B4GALT5: variants seen among roughly 807,000 people sequenced by gnomAD.
B4GALT5 encodes the protein beta-1,4-galactosyltransferase 5, also known as UDP-Gal:beta-GlcNAc beta-1,4-galactosyltransferase 5.
A neutral mutation model predicts 45.0 loss-of-function variants in B4GALT5; 11 were observed. The observed-to-expected ratio is 0.24, with a 90% CI of 0.15 to 0.40. B4GALT5 has a LOEUF of 0.40. B4GALT5 is among the 10% of genes least tolerant of loss of function. B4GALT5 has a pLI of 1.00. For missense variants in B4GALT5, 337 were observed against 500.2 expected (o/e 0.67, Z 3.11); for synonymous variants, 185 against 182.9 (o/e 1.01, Z -0.09).
At chr20:49,638,169 C>T (rs1168175442) in intron 7 of B4GALT5, among the ~76,000 whole-genome samples, 2 of 151,972 alleles carry the variant, frequency 1.3e-5, no homozygotes, top group African/African-American at 4.8e-5. Context: ...CAGGCGTGTG[C>T]CACCACAACA....
chr20:49,639,604 ATTC>A (rs2085567420), intron 7 of B4GALT5, 71 bp downstream of exon 7: 1 of 1,563,254 alleles, frequency 6.4e-7, no homozygotes, highest in Non-Finnish European at 8.7e-7. Context: ...CTTGCATTAT[ATTC>A]CTATCGGATA....
intron 4 of B4GALT5, among the ~76,000 whole-genome samples, chr20:49,642,995 G>A (rs542094020): frequency 6.6e-6 from 1 of 152,358 alleles, no homozygotes; most frequent in East Asian, 1.9e-4. Context: ...ATGTGTTCCA[G>A]ATCTGCTGCA....
chr20:49,643,847 G>T (rs1390903425), intron 3 of B4GALT5, among the ~76,000 whole-genome samples, 197 bp from the exon 4 acceptor site: 2 of 149,958 alleles, frequency 1.3e-5, no homozygotes, highest in African/African-American at 4.9e-5. Flanking sequence ...GCAAATCAAG[G>T]AATTAAGACT....
At chr20:49,655,889 T>C (rs937213015) in intron 2 of B4GALT5, among the ~76,000 whole-genome samples, 1 of 148,902 alleles carries the variant, frequency 6.7e-6, no homozygotes, top group Non-Finnish European at 1.5e-5. Context: ...AAATCACCCG[T>C]TGCATGCCAG....
chr20:49,646,184 GA>G, intron 3 of B4GALT5, among the ~76,000 whole-genome samples: 1 of 152,160 alleles, frequency 6.6e-6, no homozygotes, highest in Non-Finnish European at 1.5e-5. Flanking sequence ...TTAGAAAGTA[GA>G]AAGGTATAAT....
rs141588605 is a variant in B4GALT5 at position 49,650,456 on chromosome 20, TAAAAAAAAAAAA to T, written c.251-3390_251-3379del. The stretch of plus-strand genomic sequence containing the variant: ...CAATATGGTGAAACCCCATCTCTGC[TAAAAAAAAAAAA>T]AAAAAAAAAAACACAAAAATTAGCC... On this transcript the variant is annotated intron_variant, in intron 2 of 8. Transcript: ENST00000371711. 8.6e-5 allele frequency among the ~76,000 whole-genome samples: 11 copies of T among 128,460 alleles called. 1 individual carries two copies. Among genetic ancestry groups the T allele is most frequent in the African/African-American group, 2.1e-4 (7 of 33,774 alleles). The allele number at this position is 128,460 out of a possible 152,430, so 84.3% of individuals were successfully genotyped here. A position where few individuals can be genotyped will look rare whatever the true frequency, so the allele number is the denominator to read the frequency against.
intron 1 of B4GALT5, among the ~76,000 whole-genome samples, chr20:49,694,114 C>G (rs895032008): frequency 6.6e-6 from 1 of 152,148 alleles, no homozygotes; most frequent in African/African-American, 2.4e-5. Flanking sequence ...CTTATGTAAA[C>G]GTACTTTTTA....
At chr20:49,658,891 T>C (rs746824066) in intron 1 of B4GALT5, among the ~76,000 whole-genome samples, 3 of 152,354 alleles carry the variant, frequency 2.0e-5, no homozygotes, top group Non-Finnish European at 2.9e-5. Flanking sequence ...GCAACATTTA[T>C]TGAGTACTTA....
rs1423995723 is a variant in B4GALT5, at chr20:49,656,548, C to G, written c.250+20G>C. ...GGGAGGAGACATTCTAATCAGACCA[C>G]CTCTTTACTAAAAATATACCTGAGT... is the stretch of plus-strand genomic sequence containing the variant. On this transcript the variant is annotated intron_variant, in intron 2 of 8. Coordinates refer to ENST00000371711, the MANE Select transcript of B4GALT5 (RefSeq NM_004776.4). 6.2e-7 allele frequency: 1 copy of G among 1,613,826 alleles called. No homozygotes were observed. The highest frequency in any genetic ancestry group is 8.5e-7 in the Non-Finnish European group (1 of 1,179,906).
intron 1 of B4GALT5, among the ~76,000 whole-genome samples, chr20:49,713,340 T>G (rs2085927710): frequency 6.7e-6 from 1 of 149,944 alleles, no homozygotes. Flanking sequence ...GAGGGTGGCG[T>G]TAGGAGGGGC....
rs185624568 is a variant in B4GALT5 at position 49,644,632 on chromosome 20, C to T, written c.365-982G>A. ...ATAACATTAGTTTTAGGCCTGTCAACGCCTATTTCTGATACACAAATCTCA... is the reference window on the plus strand; with the variant it reads ...ATAACATTAGTTTTAGGCCTGTCAATGCCTATTTCTGATACACAAATCTCA... On this transcript the variant is annotated intron_variant, in intron 3 of 8. Transcript: ENST00000371711. 5.6e-4 allele frequency among the ~76,000 whole-genome samples: 85 copies of T among 152,268 alleles called. 1 individual carries two copies. Among genetic ancestry groups the T allele is most frequent in the African/African-American group, 8.4e-4 (35 of 41,546 alleles).
At chr20:49,656,547 A>G (rs769132607) in intron 2 of B4GALT5, 21 bp downstream of exon 2, 1 of 1,613,610 alleles carries the variant, frequency 6.2e-7, no homozygotes, top group East Asian at 2.2e-5. Flanking sequence ...TAATCAGACC[A>G]CCTCTTTACT....
At chr20:49,707,823 A>C (rs2085890740) in intron 1 of B4GALT5, among the ~76,000 whole-genome samples, 1 of 151,614 alleles carries the variant, frequency 6.6e-6, no homozygotes, top group African/African-American at 2.4e-5. Context: ...TATGTTGCCC[A>C]GGATCGTCTT....
chr20:49,683,392 T>TA (rs1274172129), intron 1 of B4GALT5, among the ~76,000 whole-genome samples: 1 of 143,462 alleles, frequency 7.0e-6, no homozygotes, highest in African/African-American at 2.7e-5. Flanking sequence ...TAAATTTTTT[T>TA]TTTTTTTTTT....
intron 1 of B4GALT5, among the ~76,000 whole-genome samples, chr20:49,663,060 C>G (rs185832501): frequency 5.9e-5 from 9 of 152,170 alleles, no homozygotes; most frequent in Admixed American, 1.3e-4. Context: ...CATGCACCCA[C>G]GTGAATGAAT....
chr20:49,698,708 C>G (rs1455192402), intron 1 of B4GALT5, among the ~76,000 whole-genome samples: 3 of 152,158 alleles, frequency 2.0e-5, no homozygotes, highest in African/African-American at 7.2e-5. Flanking sequence ...CATCCAGGGA[C>G]CATCTTGGCA....
In B4GALT5 at chr20:49,651,096, C is replaced by T. The variant is rs116697086; in HGVS notation, c.251-4018G>A. 8.8e-3 allele frequency among the ~76,000 whole-genome samples: 1,332 copies of T among 152,218 alleles called. 13 individuals are homozygous for T. The highest frequency in any genetic ancestry group is 0.03 in the African/African-American group (1,265 of 41,556). On this transcript the variant is annotated intron_variant, in intron 2 of 8. Transcript: ENST00000371711. ...GTCAGGAGTTCCAGACCAGCCTGAC[C>T]AACATGGTGAAACTGTGTCTCTTAC...
chr20:49,702,870 A>C lies in B4GALT5; in HGVS notation c.115+10706T>G, dbSNP rs377056208. Among the ~76,000 whole-genome samples, 210 of 151,292 alleles carry C rather than the reference A, an allele frequency of 1.4e-3. 1 individual carries two copies. Among genetic ancestry groups the C allele is most frequent in the African/African-American group, 4.8e-3 (197 of 41,188 alleles). ...AGTCCATCTCAAAAAACAAAAAAAAACCCTAAAAAATAGTGATTACTGGCC... is the reference window on the plus strand; with the variant it reads ...AGTCCATCTCAAAAAACAAAAAAAACCCCTAAAAAATAGTGATTACTGGCC... On this transcript the variant is annotated intron_variant, in intron 1 of 8. Transcript: ENST00000371711.
chr20:49,707,860 C>G (rs1023556420), intron 1 of B4GALT5, among the ~76,000 whole-genome samples: 5 of 151,446 alleles, frequency 3.3e-5, no homozygotes. Context: ...GGAATCCGCC[C>G]ATCTTGGCTT....
Sources: gnomAD v4.1 joint callset for allele counts (sites outside exome capture counted in the v4.1 genomes callset) on GRCh38, gnomAD v4.1.1 for gene constraint, MANE v1.5 for transcripts, NCBI Gene and HGNC (gene_info 2026-07-23, HGNC 2026-07-21) for gene names.